PDE8B: variants seen among roughly 807,000 people sequenced by gnomAD.
The protein encoded by PDE8B is phosphodiesterase 8B.
PDE8B carries 26 observed loss-of-function variants against 101.3 expected under a neutral mutation model. The ratio of observed to expected loss-of-function variants is 0.26; its 90% CI spans 0.19 to 0.36. The LOEUF (loss-of-function observed/expected upper bound fraction) is 0.36, where lower values mean the gene tolerates loss of function less well. PDE8B is among the 10% of genes least tolerant of loss of function. The pLI, the probability that PDE8B is intolerant of heterozygous loss-of-function variation, is 1.00. For missense variants in PDE8B, 810 were observed against 1,163.1 expected (o/e 0.70, Z 4.42); for synonymous variants, 424 against 429.3 (o/e 0.99, Z 0.15).
the PDE8B span, among the ~76,000 whole-genome samples, chr5:77,117,411 T>A: frequency 6.6e-6 from 1 of 152,180 alleles, no homozygotes; most frequent in African/African-American, 2.4e-5. Context: ...AACTTGCTGA[T>A]TGAGACTGAC....
the PDE8B span, among the ~76,000 whole-genome samples, chr5:77,163,952 T>C: frequency 6.6e-6 from 1 of 152,222 alleles, no homozygotes; most frequent in Non-Finnish European, 1.5e-5. Flanking sequence ...TACTCTGCTG[T>C]CCCTGTTAAG....
intron 1 of PDE8B, among the ~76,000 whole-genome samples, chr5:77,257,890 C>T (rs1032751059): frequency 2.0e-5 from 3 of 151,930 alleles, no homozygotes; most frequent in Non-Finnish European, 4.4e-5. Context: ...TCTCACTGTT[C>T]GGCTACATGC....
At chr5:77,109,931 T>TG in the PDE8B span, among the ~76,000 whole-genome samples, 1 of 83,846 alleles carries the variant, frequency 1.2e-5, no homozygotes, top group African/African-American at 5.1e-5. Context: ...ATTTCAGTTT[T>TG]TTTTTTTTTT....
chr5:77,161,833 TTTTC>T, the PDE8B span, among the ~76,000 whole-genome samples: 3 of 152,228 alleles, frequency 2.0e-5, no homozygotes, highest in South Asian at 6.2e-4. Flanking sequence ...TTTTTTGGTA[TTTTC>T]TTGTCAGTTT....
chr5:77,296,991 A>G (rs1024875823), intron 1 of PDE8B, among the ~76,000 whole-genome samples: 6 of 152,130 alleles, frequency 3.9e-5, no homozygotes, highest in Non-Finnish European at 5.9e-5. Flanking sequence ...TCATACTTAC[A>G]TATCCCAGAG....
chr5:77,253,555 T>G (rs1475375666), intron 1 of PDE8B, among the ~76,000 whole-genome samples: 2 of 152,182 alleles, frequency 1.3e-5, no homozygotes, highest in African/African-American at 4.8e-5. Context: ...GCCTATAGAT[T>G]TATTTTATTC....
the PDE8B span, chr5:77,147,121 G>T: frequency 3.3e-6 from 1 of 306,666 alleles, no homozygotes; most frequent in Non-Finnish European, 6.2e-6. Flanking sequence ...AGCAAAAAAA[G>T]GAAGAAGAGG....
intron 8 of PDE8B, 49 bp downstream of exon 8, chr5:77,349,608 T>C: frequency 1.2e-6 from 2 of 1,600,850 alleles, no homozygotes; most frequent in Non-Finnish European, 1.7e-6. Context: ...CCCAATGCAC[T>C]TTTTTTTCTG....
chr5:77,422,817 G>T (rs980337022), intron 20 of PDE8B, among the ~76,000 whole-genome samples: 6 of 152,160 alleles, frequency 3.9e-5, no homozygotes, highest in Non-Finnish European at 7.3e-5. Context: ...ATAAGGGCAG[G>T]ATAAAGAATA....
chr5:77,208,582 AG>A (rs894129237), upstream of PDE8B, among the ~76,000 whole-genome samples: 2 of 152,168 alleles, frequency 1.3e-5, no homozygotes, highest in Admixed American at 6.5e-5. Context: ...CCCATATCTC[AG>A]TCTCAGCCAT....
chr5:77,300,015 T>C (rs1561491301), intron 1 of PDE8B, among the ~76,000 whole-genome samples: 1 of 152,222 alleles, frequency 6.6e-6, no homozygotes, highest in Admixed American at 6.5e-5. Flanking sequence ...CAAAGACACA[T>C]GAAGCCATGT....
intron 20 of PDE8B, among the ~76,000 whole-genome samples, chr5:77,424,819 G>GTTTTTTTTTTTTTTTT (rs912849753): frequency 9.1e-6 from 1 of 110,044 alleles, no homozygotes. Context: ...CTGTTTTTTT[G>GTTTTTTTTTTTTTTTT]TTTTTTGTTT....
At chr5:77,408,407 T>C (rs1165619762) in intron 13 of PDE8B, among the ~76,000 whole-genome samples, 1 of 152,164 alleles carries the variant, frequency 6.6e-6, no homozygotes, top group East Asian at 1.9e-4. Context: ...GTGATTTCTA[T>C]GGAGAGAGGG....
the PDE8B span, among the ~76,000 whole-genome samples, chr5:77,160,974 C>A: frequency 6.6e-6 from 1 of 152,078 alleles, no homozygotes; most frequent in African/African-American, 2.4e-5. Flanking sequence ...TTTAAGAGTT[C>A]TTTGCATATT....
intron 8 of PDE8B, among the ~76,000 whole-genome samples, chr5:77,350,278 G>T (rs528080178): frequency 4.5e-4 from 68 of 152,272 alleles, no homozygotes; most frequent in African/African-American, 1.6e-3. Context: ...GATAAATTTG[G>T]ATTATAGATG....
At chr5:77,293,465 A>G (rs1290407845) in intron 1 of PDE8B, among the ~76,000 whole-genome samples, 1 of 152,234 alleles carries the variant, frequency 6.6e-6, no homozygotes, top group African/African-American at 2.4e-5. Context: ...TTTTCCACCC[A>G]GGAAAACAGC....
chr5:77,141,917 A>C, the PDE8B span: 1 of 152,202 alleles, frequency 6.6e-6, no homozygotes, highest in Non-Finnish European at 1.5e-5. Flanking sequence ...TGGCCATTAG[A>C]AGGAATGGAT....
chr5:77,184,959 T>C, the PDE8B span, among the ~76,000 whole-genome samples: 411 of 152,344 alleles, frequency 2.7e-3, 2 homozygotes, highest in African/African-American at 8.1e-3. Flanking sequence ...CACCAGGCTA[T>C]CAGAGCTCTG....
chr5:77,126,037 A>C, the PDE8B span, among the ~76,000 whole-genome samples: 1 of 152,194 alleles, frequency 6.6e-6, no homozygotes, highest in Non-Finnish European at 1.5e-5. Flanking sequence ...CTGTAATCCT[A>C]GCACTTTGGG....
Sources: allele counts gnomAD v4.1 joint callset (sites outside exome capture counted in the v4.1 genomes callset), GRCh38; gene constraint gnomAD v4.1.1; transcripts MANE v1.5; gene names NCBI Gene and HGNC (gene_info 2026-07-23, HGNC 2026-07-21).